COL19A1: variants seen among roughly 807,000 people sequenced by gnomAD.
The protein encoded by COL19A1 is collagen type XIX alpha 1 chain, also known as collagen alpha-1(XIX) chain.
Under a neutral mutation model 190.2 loss-of-function variants are expected in COL19A1, and 159 were observed. That is an observed-to-expected ratio of 0.84 (90% CI 0.73 to 0.95). The LOEUF (loss-of-function observed/expected upper bound fraction) is 0.95. Among genes scored for constraint, COL19A1 ranks in the 40% least tolerant of loss-of-function variants. The pLI is 0.00. For missense variants in COL19A1, 1,418 were observed against 1,431.9 expected (o/e 0.99, Z 0.16); for synonymous variants, 509 against 458.9 (o/e 1.11, Z -1.39).
At chr6:70,144,776 T>C in intron 24 of COL19A1, 142 bp from the exon 25 acceptor site, 1 of 662,540 alleles carries the variant, frequency 1.5e-6, no homozygotes, top group Non-Finnish European at 2.7e-6. Context: ...ATTGAGTGAG[T>C]TGGTGAGTGA....
chr6:69,971,957 C>T (rs1227314297), intron 11 of COL19A1, among the ~76,000 whole-genome samples: 1 of 152,110 alleles, frequency 6.6e-6, no homozygotes, highest in Non-Finnish European at 1.5e-5. Context: ...AGTTGTTTCC[C>T]ATTAGGTTAA....
At chr6:69,972,261 C>T (rs749799751) in intron 11 of COL19A1, among the ~76,000 whole-genome samples, 2 of 152,182 alleles carry the variant, frequency 1.3e-5, no homozygotes, top group Non-Finnish European at 2.9e-5. Context: ...TATAATTTCT[C>T]ATTGTACCTT....
At chr6:69,981,319 A>G (rs1179549420) in intron 11 of COL19A1, among the ~76,000 whole-genome samples, 1 of 152,182 alleles carries the variant, frequency 6.6e-6, no homozygotes, top group African/African-American at 2.4e-5. Flanking sequence ...GTATTATAGA[A>G]CTACTGAATA....
intron 4 of COL19A1, among the ~76,000 whole-genome samples, chr6:69,921,954 C>T (rs1438038336): frequency 6.6e-6 from 1 of 151,930 alleles, no homozygotes; most frequent in African/African-American, 2.4e-5. Context: ...AAATTACACT[C>T]CATTCAAAAT....
rs117759587 is a variant in COL19A1 at position 69,892,792 on chromosome 6, T to C, written c.92-6156T>C. ...AGGGTATGAGGCAACTGGGCTTCTA[T>C]CATCCCTGCAAGTTGAGATTGACTC... On this transcript the variant is annotated intron_variant, in intron 2 of 50. Transcript: ENST00000620364. 3.3e-3 allele frequency among the ~76,000 whole-genome samples: 507 copies of C among 152,250 alleles called. 5 individuals are homozygous for C. The Middle Eastern group carries it at 0.051, about 15-fold the overall frequency.
intron 2 of COL19A1, among the ~76,000 whole-genome samples, chr6:69,894,310 G>A (rs1460017453): frequency 6.6e-6 from 1 of 152,176 alleles, no homozygotes; most frequent in African/African-American, 2.4e-5. Context: ...TCTTCATTAA[G>A]GGCCTGGTTA....
chr6:70,022,142 A>C (rs1582703115), intron 11 of COL19A1, among the ~76,000 whole-genome samples: 1 of 152,156 alleles, frequency 6.6e-6, no homozygotes, highest in African/African-American at 2.4e-5. Context: ...TTTTGCAAAT[A>C]AAATGATAAT....
chr6:70,076,306 T>C (rs902457055), intron 15 of COL19A1, among the ~76,000 whole-genome samples: 4 of 152,236 alleles, frequency 2.6e-5, no homozygotes, highest in Non-Finnish European at 5.9e-5. Context: ...ACCCATTGTC[T>C]ATTTTGTGGT....
chr6:69,957,177 A>C (rs964994171), intron 9 of COL19A1, among the ~76,000 whole-genome samples: 1 of 152,118 alleles, frequency 6.6e-6, no homozygotes, highest in Non-Finnish European at 1.5e-5. Flanking sequence ...CCAATGTCAA[A>C]AGAATCAAGA....
chr6:70,034,823 T>G (rs1216133221), intron 13 of COL19A1, among the ~76,000 whole-genome samples: 1 of 152,188 alleles, frequency 6.6e-6, no homozygotes, highest in Non-Finnish European at 1.5e-5. Flanking sequence ...TGATCCCAGT[T>G]TGATGAAAAT....
At chr6:70,056,091 T>A (rs1457811208) in intron 14 of COL19A1, among the ~76,000 whole-genome samples, 1 of 152,124 alleles carries the variant, frequency 6.6e-6, no homozygotes, top group Non-Finnish European at 1.5e-5. Flanking sequence ...CTGAGTTGAT[T>A]CCACTGCCGC....
chr6:70,131,548 AGATTT>A (rs1785522099), intron 18 of COL19A1, among the ~76,000 whole-genome samples: 1 of 152,256 alleles, frequency 6.6e-6, no homozygotes, highest in Non-Finnish European at 1.5e-5. Flanking sequence ...TGTGTGAGTT[AGATTT>A]TATTGCTAGT....
chr6:70,053,569 A>C (rs1465467805), intron 14 of COL19A1, among the ~76,000 whole-genome samples: 17 of 152,208 alleles, frequency 1.1e-4, no homozygotes. Flanking sequence ...TTTAGTCCAT[A>C]AAATTAGGTA....
intron 16 of COL19A1, among the ~76,000 whole-genome samples, chr6:70,111,619 T>C (rs1168455869): frequency 6.6e-6 from 1 of 152,234 alleles, no homozygotes; most frequent in Non-Finnish European, 1.5e-5. Context: ...ACTTCTTCAC[T>C]GGCTGATATC....
chr6:70,008,243 C>A (rs1777755587), intron 11 of COL19A1, among the ~76,000 whole-genome samples: 1 of 151,462 alleles, frequency 6.6e-6, no homozygotes, highest in Non-Finnish European at 1.5e-5. Context: ...AAAACTAATA[C>A]CATCAAAAGT....
At chr6:70,027,304 T>G (rs1286338456) in intron 12 of COL19A1, among the ~76,000 whole-genome samples, 1 of 152,224 alleles carries the variant, frequency 6.6e-6, no homozygotes, top group Admixed American at 6.5e-5. Flanking sequence ...TGTGCCAGCT[T>G]TCTCACAAAA....
rs545100114 is a variant in COL19A1 at position 70,057,272 on chromosome 6, G to A, written c.1171-11151G>A. Among the ~76,000 whole-genome samples the A allele has an allele frequency of 2.6e-5, 4 of 152,146 alleles. No individual in the cohort carries two copies. The South Asian group carries it at 8.3e-4, about 32-fold the overall frequency. ...ACTTGCATAAATCATTAAGACAGATGATACAAATGGATTTGACAGACCATG... is the reference window on the plus strand; with the variant it reads ...ACTTGCATAAATCATTAAGACAGATAATACAAATGGATTTGACAGACCATG... On this transcript the variant is annotated intron_variant, in intron 14 of 50. Coordinates refer to ENST00000620364, the MANE Select transcript of COL19A1 (RefSeq NM_001858.6).
At chr6:70,045,989 C>T (rs1240307596) in intron 14 of COL19A1, among the ~76,000 whole-genome samples, 3 of 152,164 alleles carry the variant, frequency 2.0e-5, no homozygotes, top group African/African-American at 7.2e-5. Context: ...ACATGTTGTT[C>T]AGTATTTATA....
chr6:70,199,848 AC>A, intron 49 of COL19A1, 112 bp downstream of exon 49: 2 of 924,720 alleles, frequency 2.2e-6, no homozygotes, highest in Non-Finnish European at 3.2e-6. Flanking sequence ...TTTATACATT[AC>A]ATATATAAAT....
Sources: gnomAD v4.1 joint callset for allele counts (sites outside exome capture counted in the v4.1 genomes callset) on GRCh38, gnomAD v4.1.1 for gene constraint, MANE v1.5 for transcripts, NCBI Gene and HGNC (gene_info 2026-07-23, HGNC 2026-07-21) for gene names.